Variants in RABEP1 observed in about 807,000 individuals in gnomAD.
RABEP1 encodes rabaptin, RAB GTPase binding effector protein 1, also known as rab GTPase-binding effector protein 1.
A neutral mutation model predicts 123.4 loss-of-function variants in RABEP1; 51 were observed. The ratio of observed to expected loss-of-function variants is 0.41; its 90% CI spans 0.33 to 0.52. The LOEUF is 0.52. Ranked by LOEUF, RABEP1 falls within the 20% of genes least tolerant of loss-of-function variation. RABEP1 has a pLI of 0.16. For missense variants in RABEP1, 888 were observed against 996.3 expected, an observed-to-expected ratio of 0.89 and a Z score of 1.46; for synonymous variants, 347 against 355.2, an observed-to-expected ratio of 0.98 and a Z score of 0.26.
intron 11 of RABEP1, among the ~76,000 whole-genome samples, chr17:5,367,303 G>C (rs776281116): frequency 6.8e-6 from 1 of 147,098 alleles, no homozygotes; most frequent in Non-Finnish European, 1.5e-5. Context: ...TTTTTGTCTC[G>C]CTGTGTCGCC....
intron 17 of RABEP1, among the ~76,000 whole-genome samples, chr17:5,382,487 G>A (rs565313024): frequency 2.8e-4 from 42 of 151,484 alleles, no homozygotes; most frequent in African/African-American, 9.9e-4. Flanking sequence ...GGTGGCTCAC[G>A]CCTATAATCC....
intron 13 of RABEP1, among the ~76,000 whole-genome samples, chr17:5,376,342 A>G (rs1910991861): frequency 1.3e-5 from 2 of 152,212 alleles, no homozygotes; most frequent in South Asian, 4.1e-4. Context: ...AAAAGAAAAA[A>G]AAAGTTCCAA....
intron 1 of RABEP1, among the ~76,000 whole-genome samples, chr17:5,288,608 T>C (rs1409189472): frequency 6.6e-6 from 1 of 152,326 alleles, no homozygotes; most frequent in Non-Finnish European, 1.5e-5. Flanking sequence ...TTCGTCAGGC[T>C]GGCCTCTAAC....
At chr17:5,379,752 G>A (rs1911297276) in intron 15 of RABEP1, among the ~76,000 whole-genome samples, 1 of 152,094 alleles carries the variant, frequency 6.6e-6, no homozygotes, top group African/African-American at 2.4e-5. Context: ...TGAAATCAAG[G>A]TGATATTTAA....
Position 5,385,544 on chromosome 17 carries a change from C to T in RABEP1, c.*2321C>T, listed in dbSNP as rs1911885567. ...GGTGAAGTGAGGACAAAATCACATT[C>T]TGCATACTAACCTATTTTTTTCTCC... On this transcript the variant is annotated 3_prime_UTR_variant, in exon 18 of 18. Transcript: ENST00000537505. The T allele has an allele frequency of 4.3e-6, 1 of 231,004 alleles. No individual in the cohort carries two copies. The highest frequency in any genetic ancestry group is 6.2e-5 in the East Asian group (1 of 16,200). The allele number at this position is 231,004 out of a possible 1,614,324, so 14.3% of individuals were successfully genotyped here.
At chr17:5,321,557 C>T (rs559486694) in intron 2 of RABEP1, among the ~76,000 whole-genome samples, 1 of 152,328 alleles carries the variant, frequency 6.6e-6, no homozygotes, top group East Asian at 1.9e-4. Flanking sequence ...CTGCAGTGAG[C>T]CGTATTTGTG....
Position 5,378,032 on chromosome 17 carries a change from CT to C in RABEP1, c.2216-143del. The C allele has an allele frequency of 1.1e-5, 7 of 611,696 alleles. No homozygotes were observed. In the South Asian group the frequency reaches 1.5e-4, roughly 13 times the overall value. 37.9% of individuals were successfully genotyped at this position (611,696 alleles called of 1,614,324 possible). A position where few individuals can be genotyped will look rare whatever the true frequency, so the allele number is the denominator to read the frequency against. ...TCCCTGAGCCTAAATATGCTGATTGCTTGGTGGTAATTTTGAGACAGCCCCC... is the reference window on the plus strand; with the variant it reads ...TCCCTGAGCCTAAATATGCTGATTGCTGGTGGTAATTTTGAGACAGCCCCC... On this transcript the variant is annotated intron_variant, in intron 14 of 17. Transcript: ENST00000537505.
chr17:5,341,074 A>G (rs866852867), intron 5 of RABEP1, among the ~76,000 whole-genome samples: 1 of 152,164 alleles, frequency 6.6e-6, no homozygotes, highest in Admixed American at 6.5e-5. Context: ...AAAACTATAG[A>G]CAAATCTCTG....
At position 5,368,473 on chromosome 17, in the gene RABEP1, G is replaced by A; in HGVS notation, c.1884+5G>A. 1 of 1,599,942 alleles carries A rather than the reference G, an allele frequency of 6.3e-7. No homozygotes were observed. The highest frequency in any genetic ancestry group is 1.1e-5 in the South Asian group (1 of 90,522). ...AGGGATGTTCAGGAACAGATGGTAA[G>A]TTTACATTTTAAGTAAATGACAACT... is the stretch of plus-strand genomic sequence containing the variant. On this transcript the variant is annotated splice_donor_5th_base_variant and intron_variant, in intron 12 of 17. Coordinates refer to ENST00000537505, the MANE Select transcript of RABEP1 (RefSeq NM_004703.6).
chr17:5,328,932 C>CA lies in RABEP1; in HGVS notation c.164-3004dup, dbSNP rs1353065128. On this transcript the variant is annotated intron_variant, in intron 2 of 17. Transcript: ENST00000537505. ...CCTGGGCGACAGAGTGAGACTGTCT[C>CA]AAAAAAAAAAAAATAAATTATTAGT... 4.4e-3 allele frequency among the ~76,000 whole-genome samples: 457 copies of CA among 104,382 alleles called. 2 individuals are homozygous for CA. The highest frequency in any genetic ancestry group is 8.9e-3 in the South Asian group (28 of 3,144). The allele number at this position is 104,382 out of a possible 152,430, so 68.5% of individuals were successfully genotyped here. A position where few individuals can be genotyped will look rare whatever the true frequency, so the allele number is the denominator to read the frequency against.
intron 5 of RABEP1, among the ~76,000 whole-genome samples, chr17:5,340,998 CAT>C (rs893544011): frequency 5.1e-4 from 73 of 144,188 alleles, no homozygotes; most frequent in African/African-American, 1.7e-3. Context: ...ATAATATAAA[CAT>C]AGGAATTTGT....
chr17:5,329,038 T>G (rs1444989332), intron 2 of RABEP1, among the ~76,000 whole-genome samples: 1 of 140,474 alleles, frequency 7.1e-6, no homozygotes, highest in Non-Finnish European at 1.6e-5. Context: ...TTTTTTTTTT[T>G]TGTCAATTGG....
At chr17:5,301,318 G>C (rs1597334195) in intron 1 of RABEP1, among the ~76,000 whole-genome samples, 1 of 152,124 alleles carries the variant, frequency 6.6e-6, no homozygotes, top group Non-Finnish European at 1.5e-5. Context: ...AGGAGGCTGG[G>C]TCACATGCCT....
intron 5 of RABEP1, among the ~76,000 whole-genome samples, chr17:5,340,884 G>A (rs912035654): frequency 2.0e-5 from 3 of 149,976 alleles, no homozygotes; most frequent in African/African-American, 7.4e-5. Context: ...GGAGGCAGAG[G>A]TTGCAGTGAG....
In RABEP1 at chr17:5,365,143, C is replaced by G. The variant is rs1242620324; in HGVS notation, c.1690C>G (p.Leu564Val). The G allele has an allele frequency of 1.2e-6, 2 of 1,607,112 alleles. No individual in the cohort carries two copies. The highest frequency in any genetic ancestry group is 2.2e-5 in the East Asian group (1 of 44,580). ...ACAGGTGAAAAAACTACAGCTGATG[C>G]TAAGGCAAGCTAATGACCAGTTAGA... is the stretch of plus-strand genomic sequence containing the variant. Reference protein sequence around the residue: ...RDQVKKLQLMLRQANDQLEKT... With the variant: ...RDQVKKLQLMVRQANDQLEKT... Residue 564 changes from leucine to valine, a missense_variant, in exon 11 of 18, where the codon CTA (leucine) becomes GTA (valine). Physicochemically the swap from Leu to Val is conservative, Grantham distance 32. Transcript: ENST00000537505.
At chr17:5,320,421 CAAAAAAA>C (rs60202531) in intron 2 of RABEP1, among the ~76,000 whole-genome samples, 15 of 84,652 alleles carry the variant, frequency 1.8e-4, no homozygotes, top group African/African-American at 3.9e-4. Flanking sequence ...GCTAACACAC[CAAAAAAA>C]AAAAAAAAAA....
intron 2 of RABEP1, among the ~76,000 whole-genome samples, chr17:5,319,334 A>C (rs535742523): frequency 5.1e-4 from 62 of 121,940 alleles, no homozygotes; most frequent in African/African-American, 2.0e-3. Flanking sequence ...TCTCAAAAAA[A>C]AAAAAAACAA....
At chr17:5,324,371 A>C (rs1905757771) in intron 2 of RABEP1, among the ~76,000 whole-genome samples, 1 of 152,214 alleles carries the variant, frequency 6.6e-6, no homozygotes, top group South Asian at 2.1e-4. Context: ...TGGTAGGATG[A>C]CTGGGTAACC....
intron 2 of RABEP1, among the ~76,000 whole-genome samples, chr17:5,318,700 C>A (rs75960464): frequency 0.02 from 3,112 of 152,230 alleles, 101 homozygotes; most frequent in East Asian, 0.12. Context: ...GGAATACTTC[C>A]TAACTCATTC....
Sources: allele counts gnomAD v4.1 joint callset (sites outside exome capture counted in the v4.1 genomes callset), GRCh38; gene constraint gnomAD v4.1.1; transcripts MANE v1.5; gene names NCBI Gene and HGNC (gene_info 2026-07-23, HGNC 2026-07-21).